GALNT13: variants seen among roughly 807,000 people sequenced by gnomAD.
The protein encoded by GALNT13 is UDP-GalNAc:polypeptide N-acetylgalactosaminyltransferase 13.
GALNT13 carries 28 observed loss-of-function variants against 64.2 expected under a neutral mutation model. The observed-to-expected ratio is 0.44, with a 90% CI of 0.32 to 0.60. The LOEUF (loss-of-function observed/expected upper bound fraction) is 0.60, where lower values mean the gene tolerates loss of function less well. GALNT13 is among the 20% of genes least tolerant of loss of function. The probability of loss-of-function intolerance (pLI) is 0.05; values close to 1 mark genes in which losing one functional copy is unlikely to be tolerated. For synonymous variants in GALNT13, 214 were observed against 224.6 expected, an observed-to-expected ratio of 0.95 and a Z score of 0.42; for missense variants, 577 against 669.8, an observed-to-expected ratio of 0.86 and a Z score of 1.53.
chr2:154,221,698 T>C (rs1459011837), intron 4 of GALNT13, among the ~76,000 whole-genome samples: 1 of 152,118 alleles, frequency 6.6e-6, no homozygotes, highest in African/African-American at 2.4e-5. Context: ...GTTCAGATAC[T>C]AACCCTATTC....
the GALNT13 span, among the ~76,000 whole-genome samples, chr2:153,190,478 A>C: frequency 6.6e-6 from 1 of 152,062 alleles, no homozygotes; most frequent in African/African-American, 2.4e-5. Context: ...TGTTTTGGTT[A>C]ATAAAGACTT....
the GALNT13 span, among the ~76,000 whole-genome samples, chr2:153,821,040 C>G: frequency 6.6e-6 from 1 of 152,000 alleles, no homozygotes; most frequent in South Asian, 2.1e-4. Flanking sequence ...AAACAGAAGA[C>G]TTAACTATCC....
At chr2:153,624,319 C>T in the GALNT13 span, among the ~76,000 whole-genome samples, 2 of 152,100 alleles carry the variant, frequency 1.3e-5, no homozygotes, top group Non-Finnish European at 2.9e-5. Context: ...CAGAATCACT[C>T]CCTCCATTGT....
At chr2:154,034,069 G>C (rs867938866) in intron 3 of GALNT13, among the ~76,000 whole-genome samples, 6 of 152,124 alleles carry the variant, frequency 3.9e-5, no homozygotes, top group South Asian at 2.1e-4. Flanking sequence ...CGGTTTGGTA[G>C]TTTCTTATAA....
chr2:153,807,375 T>C, the GALNT13 span, among the ~76,000 whole-genome samples: 1 of 152,054 alleles, frequency 6.6e-6, no homozygotes, highest in Non-Finnish European at 1.5e-5. Context: ...CTGAAAAATA[T>C]GTCTAAGCTA....
At chr2:153,168,810 T>A in the GALNT13 span, among the ~76,000 whole-genome samples, 1 of 152,214 alleles carries the variant, frequency 6.6e-6, no homozygotes, top group East Asian at 1.9e-4. Flanking sequence ...ACAAACTTCT[T>A]ACCATATTGT....
At chr2:153,481,982 AAATTCAGAAGCCACTCAT>A in the GALNT13 span, among the ~76,000 whole-genome samples, 1 of 152,242 alleles carries the variant, frequency 6.6e-6, no homozygotes, top group Non-Finnish European at 1.5e-5. Context: ...GTAAGAACTC[AAATTCAGAAGCCACTCAT>A]AATAGCAGAT....
At chr2:153,859,080 T>C in the GALNT13 span, among the ~76,000 whole-genome samples, 6 of 152,128 alleles carry the variant, frequency 3.9e-5, no homozygotes, top group Admixed American at 6.6e-5. Context: ...TAGCTGCAGT[T>C]TCACGCAACC....
At chr2:153,793,224 G>A in the GALNT13 span, among the ~76,000 whole-genome samples, 15 of 151,614 alleles carry the variant, frequency 9.9e-5, no homozygotes, top group African/African-American at 2.9e-4. Context: ...CACCTGTCTC[G>A]GGCTCCCAAA....
chr2:154,059,650 A>AT (rs1700070741), intron 3 of GALNT13, among the ~76,000 whole-genome samples: 1 of 152,200 alleles, frequency 6.6e-6, no homozygotes, highest in Non-Finnish European at 1.5e-5. Context: ...AAAATGATTA[A>AT]TTTTTCATAC....
At chr2:153,326,154 A>G in the GALNT13 span, among the ~76,000 whole-genome samples, 5 of 152,006 alleles carry the variant, frequency 3.3e-5, no homozygotes, top group Non-Finnish European at 7.4e-5. Flanking sequence ...TATGAATCTG[A>G]GTGCTCCTGT....
intron 1 of GALNT13, among the ~76,000 whole-genome samples, chr2:153,884,661 G>T (rs1687011832): frequency 6.6e-6 from 1 of 150,868 alleles, no homozygotes; most frequent in Non-Finnish European, 1.5e-5. Flanking sequence ...TGCTGGGTTT[G>T]TAATCCCAGC....
chr2:153,336,801 G>A, the GALNT13 span, among the ~76,000 whole-genome samples: 1 of 152,234 alleles, frequency 6.6e-6, no homozygotes, highest in East Asian at 1.9e-4. Flanking sequence ...AAATGGTTTG[G>A]CTGTGTCCCC....
chr2:153,781,519 A>G, the GALNT13 span, among the ~76,000 whole-genome samples: 10 of 152,310 alleles, frequency 6.6e-5, no homozygotes, highest in Non-Finnish European at 1.3e-4. Context: ...CTGGGCAAGA[A>G]TAAGTAGTCA....
the GALNT13 span, among the ~76,000 whole-genome samples, chr2:153,310,662 G>A: frequency 6.6e-6 from 1 of 152,042 alleles, no homozygotes; most frequent in Non-Finnish European, 1.5e-5. Flanking sequence ...GACTATTCCT[G>A]TTATCAATAA....
At chr2:153,284,029 C>G in the GALNT13 span, among the ~76,000 whole-genome samples, 1 of 152,132 alleles carries the variant, frequency 6.6e-6, no homozygotes, top group African/African-American at 2.4e-5. Flanking sequence ...TCTGCCTGGG[C>G]GTGGAGCTGA....
the GALNT13 span, among the ~76,000 whole-genome samples, chr2:153,163,695 C>A: frequency 6.6e-6 from 1 of 152,176 alleles, no homozygotes; most frequent in Non-Finnish European, 1.5e-5. Flanking sequence ...ACTGTCCTAT[C>A]AGTCACTTTG....
chr2:153,460,570 G>A, the GALNT13 span, among the ~76,000 whole-genome samples: 5 of 152,090 alleles, frequency 3.3e-5, no homozygotes, highest in African/African-American at 4.8e-5. Flanking sequence ...TACCTAAGAA[G>A]TAATATTATT....
chr2:153,141,039 C>T, the GALNT13 span, among the ~76,000 whole-genome samples: 6 of 146,624 alleles, frequency 4.1e-5, no homozygotes, highest in African/African-American at 1.5e-4. Context: ...CTGTCCATCC[C>T]CTGTCAAAGA....
Sources: gnomAD v4.1 joint callset for allele counts (sites outside exome capture counted in the v4.1 genomes callset) on GRCh38, gnomAD v4.1.1 for gene constraint, MANE v1.5 for transcripts, NCBI Gene and HGNC (gene_info 2026-07-23, HGNC 2026-07-21) for gene names.